Variants in UBASH3B observed in about 807,000 individuals in gnomAD.
UBASH3B encodes ubiquitin-associated and SH3 domain-containing protein B.
In UBASH3B, 37 loss-of-function variants were observed where a neutral mutation model predicts 83.4. The ratio of observed to expected loss-of-function variants is 0.44; its 90% CI spans 0.34 to 0.58. UBASH3B has a LOEUF of 0.58. Ranked by LOEUF, UBASH3B falls within the 20% of genes least tolerant of loss-of-function variation. The pLI, the probability that UBASH3B is intolerant of heterozygous loss-of-function variation, is 0.01. For synonymous variants in UBASH3B, 304 were observed against 318.3 expected (o/e 0.96, Z 0.48); for missense variants, 657 against 827.2 (o/e 0.79, Z 2.52).
chr11:122,670,872 C>T (rs539966739), intron 1 of UBASH3B, among the ~76,000 whole-genome samples: 109 of 152,014 alleles, frequency 7.2e-4, no homozygotes, highest in Non-Finnish European at 1.2e-3. Flanking sequence ...AAGCGATTCT[C>T]CTTCCCCAGC....
At chr11:122,740,739 G>A (rs375177364) in intron 1 of UBASH3B, among the ~76,000 whole-genome samples, 1 of 152,160 alleles carries the variant, frequency 6.6e-6, no homozygotes, top group East Asian at 1.9e-4. Context: ...GGGCAAGGGG[G>A]CAAGCTGAAG....
chr11:122,795,881 G>T, intron 7 of UBASH3B, among the ~76,000 whole-genome samples: 1 of 152,162 alleles, frequency 6.6e-6, no homozygotes, highest in Non-Finnish European at 1.5e-5. Context: ...ATATTTTAGT[G>T]GCCACTTTAA....
chr11:122,674,481 C>G (rs577948049), intron 1 of UBASH3B, among the ~76,000 whole-genome samples: 4 of 150,374 alleles, frequency 2.7e-5, no homozygotes, highest in African/African-American at 9.8e-5. Context: ...CCCCGGTTCA[C>G]GCCATTCTCC....
intron 1 of UBASH3B, among the ~76,000 whole-genome samples, chr11:122,685,534 T>C (rs1565528476): frequency 6.6e-6 from 1 of 152,182 alleles, no homozygotes; most frequent in Admixed American, 6.5e-5. Context: ...TTACTATTAT[T>C]ATTTTTTTGT....
chr11:122,811,408 A>C lies in UBASH3B; in HGVS notation c.*1522A>C, dbSNP rs569064495. The C allele has an allele frequency of 6.6e-6, 1 of 152,356 alleles. No individual in the cohort carries two copies. Among genetic ancestry groups the C allele is most frequent in the East Asian group, 1.9e-4 (1 of 5,192 alleles). The allele number at this position is 152,356 out of a possible 1,614,324, so 9.4% of individuals were successfully genotyped here. On this transcript the variant is annotated 3_prime_UTR_variant, in exon 14 of 14. Transcript: ENST00000284273. ...AAAAATACATCTATGCTTGCGTTTG[A>C]AACTACAACTTGATAACCCCTAGAA...
At chr11:122,797,917 A>G (rs1311317154) in intron 9 of UBASH3B, among the ~76,000 whole-genome samples, 1 of 152,194 alleles carries the variant, frequency 6.6e-6, no homozygotes, top group Non-Finnish European at 1.5e-5. Flanking sequence ...GGCTAGCAAG[A>G]TGGATAAAGG....
At chr11:122,698,666 G>A (rs17126752) in intron 1 of UBASH3B, among the ~76,000 whole-genome samples, 5,820 of 151,894 alleles carry the variant, frequency 0.038, 388 homozygotes, top group African/African-American at 0.13. Flanking sequence ...TGCTACAATG[G>A]TCAGAACCTA....
intron 1 of UBASH3B, among the ~76,000 whole-genome samples, chr11:122,703,743 T>C (rs1225601181): frequency 1.3e-5 from 2 of 152,220 alleles, no homozygotes; most frequent in East Asian, 3.9e-4. Context: ...GCATCTCATG[T>C]CCCATGACAC....
chr11:122,673,437 A>G (rs545718324), intron 1 of UBASH3B, among the ~76,000 whole-genome samples: 1 of 152,286 alleles, frequency 6.6e-6, no homozygotes, highest in African/African-American at 2.4e-5. Context: ...TCACAAGGTC[A>G]GGAGATCGAG....
At chr11:122,688,075 G>A (rs1282585020) in intron 1 of UBASH3B, among the ~76,000 whole-genome samples, 1 of 152,024 alleles carries the variant, frequency 6.6e-6, no homozygotes, top group Non-Finnish European at 1.5e-5. Context: ...AACTGCCTTG[G>A]TTTCCCACCT....
intron 1 of UBASH3B, among the ~76,000 whole-genome samples, chr11:122,771,860 G>C (rs1216986313): frequency 6.6e-6 from 1 of 151,332 alleles, no homozygotes; most frequent in African/African-American, 2.4e-5. Flanking sequence ...TGTGTCTGTG[G>C]GGCACTGCAC....
At chr11:122,730,591 C>CT (rs71054094) in intron 1 of UBASH3B, among the ~76,000 whole-genome samples, 3,492 of 141,798 alleles carry the variant, frequency 0.025, 110 homozygotes, top group East Asian at 0.072. Flanking sequence ...TATTTGGATT[C>CT]TTTTTTTTTT....
At chr11:122,800,490 G>T (rs1034983243) in intron 10 of UBASH3B, among the ~76,000 whole-genome samples, 1 of 151,500 alleles carries the variant, frequency 6.6e-6, no homozygotes, top group African/African-American at 2.4e-5. Context: ...GGAGGCGGAG[G>T]TTGCAGTGAG....
At chr11:122,708,125 A>G (rs1470262410) in intron 1 of UBASH3B, among the ~76,000 whole-genome samples, 2 of 152,184 alleles carry the variant, frequency 1.3e-5, no homozygotes, top group Admixed American at 1.3e-4. Context: ...GTTCCAAGCC[A>G]CTTACTCTTT....
intron 1 of UBASH3B, among the ~76,000 whole-genome samples, chr11:122,678,982 C>T (rs2096366748): frequency 1.3e-5 from 2 of 152,138 alleles, no homozygotes; most frequent in Non-Finnish European, 2.9e-5. Context: ...AACAAGGATG[C>T]CTCTGTGTTT....
At chr11:122,718,665 G>A (rs1860567416) in intron 1 of UBASH3B, among the ~76,000 whole-genome samples, 2 of 152,184 alleles carry the variant, frequency 1.3e-5, no homozygotes, top group African/African-American at 4.8e-5. Context: ...ATAAAGAAAA[G>A]TCTTTTTGAT....
At chr11:122,756,603 C>T (rs1361918905) in intron 1 of UBASH3B, among the ~76,000 whole-genome samples, 1 of 152,154 alleles carries the variant, frequency 6.6e-6, no homozygotes, top group Non-Finnish European at 1.5e-5. Context: ...GTGTGGAGGG[C>T]TGTGGTAGGC....
chr11:122,757,155 A>C (rs1341164638), intron 1 of UBASH3B, among the ~76,000 whole-genome samples: 3 of 152,236 alleles, frequency 2.0e-5, no homozygotes, highest in Non-Finnish European at 4.4e-5. Flanking sequence ...CCGATGCAGT[A>C]CTGGGCATGT....
chr11:122,776,351 C>A, intron 2 of UBASH3B, 79 bp downstream of exon 2: 1 of 1,357,840 alleles, frequency 7.4e-7, no homozygotes, highest in Non-Finnish European at 1.0e-6. Flanking sequence ...GAGGTGCAGA[C>A]TTTCTCTAAT....
Sources: allele counts gnomAD v4.1 joint callset (sites outside exome capture counted in the v4.1 genomes callset), GRCh38; gene constraint gnomAD v4.1.1; transcripts MANE v1.5; gene names NCBI Gene and HGNC (gene_info 2026-07-23, HGNC 2026-07-21).